COL9A1: variants seen among roughly 807,000 people sequenced by gnomAD.
COL9A1 encodes collagen type IX alpha 1 chain.
In COL9A1, 104 loss-of-function variants were observed where a neutral mutation model predicts 142.6. The ratio of observed to expected loss-of-function variants is 0.73; its 90% CI spans 0.62 to 0.86. The LOEUF is 0.86. Ranked by LOEUF, COL9A1 falls within the 40% of genes least tolerant of loss-of-function variation. The probability of loss-of-function intolerance (pLI) is 0.00; values close to 1 mark genes in which losing one functional copy is unlikely to be tolerated. For synonymous variants in COL9A1, 466 were observed against 396.0 expected (o/e 1.18, Z -2.10); for missense variants, 1,210 against 1,176.6 (o/e 1.03, Z -0.42).
At chr6:70,276,497 G>A (rs1011797305) in intron 10 of COL9A1, among the ~76,000 whole-genome samples, 1 of 152,156 alleles carries the variant, frequency 6.6e-6, no homozygotes, top group Non-Finnish European at 1.5e-5. Context: ...CCTGGAAGCT[G>A]TTTTTCGGTT....
At chr6:70,242,179 T>A (rs1184406640) in intron 29 of COL9A1, 144 bp from the exon 30 acceptor site, 5 of 732,454 alleles carry the variant, frequency 6.8e-6, no homozygotes, top group Non-Finnish European at 7.3e-6. Context: ...GGTTTGCCTC[T>A]CTTTCATATT....
At chr6:70,301,394 G>A (rs953994380) in intron 2 of COL9A1, among the ~76,000 whole-genome samples, 6 of 152,090 alleles carry the variant, frequency 3.9e-5, no homozygotes, top group African/African-American at 1.4e-4. Flanking sequence ...TGACCAACAT[G>A]GTGAAAGCCC....
chr6:70,249,652 G>A (rs549185957), intron 28 of COL9A1, among the ~76,000 whole-genome samples: 2 of 152,254 alleles, frequency 1.3e-5, no homozygotes, highest in South Asian at 2.1e-4. Context: ...TCAGGGACAG[G>A]AGCAATGGCA....
chr6:70,256,718 C>CAA (rs34557832), intron 21 of COL9A1, 50 bp downstream of exon 21: 3,486 of 1,334,794 alleles, frequency 2.6e-3, no homozygotes, highest in Non-Finnish European at 3.3e-3. Flanking sequence ...GCATACATAG[C>CAA]AAAAAAAAAA....
Position 70,241,418 on chromosome 6 carries a change from C to G in COL9A1, c.2034+1G>C. On this transcript the variant is annotated splice_donor_variant, in intron 31 of 37. Coordinates refer to ENST00000357250, the MANE Select transcript of COL9A1 (RefSeq NM_001851.6). LOFTEE classifies it high-confidence loss of function. ...TATACCAATTAAATAATAAGACTGA[C>G]CTGTTCACCCTTTGGACCCGGTTCA... The G allele has an allele frequency of 4.3e-6, 7 of 1,609,352 alleles. No homozygotes were observed. The highest frequency in any genetic ancestry group is 4.3e-6 in the Non-Finnish European group (5 of 1,175,606).
chr6:70,295,209 G>T (rs1773805492), intron 4 of COL9A1, among the ~76,000 whole-genome samples: 1 of 145,382 alleles, frequency 6.9e-6, no homozygotes, highest in Non-Finnish European at 1.5e-5. Flanking sequence ...TAAAGTAGCA[G>T]TTTGACACTG....
intron 28 of COL9A1, among the ~76,000 whole-genome samples, chr6:70,251,037 T>C (rs1398426647): frequency 6.6e-6 from 1 of 152,198 alleles, no homozygotes; most frequent in Non-Finnish European, 1.5e-5. Context: ...ATACGAATGT[T>C]CATAGCAGCA....
intron 33 of COL9A1, 80 bp downstream of exon 33, chr6:70,239,174 C>A: frequency 1.1e-6 from 1 of 945,234 alleles, no homozygotes; most frequent in South Asian, 1.4e-5. Flanking sequence ...ATAATGATTT[C>A]ATAAAGCAGA....
At chr6:70,279,843 A>G (rs1030052696) in intron 10 of COL9A1, 1 of 477,016 alleles carries the variant, frequency 2.1e-6, no homozygotes, top group Non-Finnish European at 3.9e-6. Context: ...CTTGGAAATC[A>G]TAATTATAGG....
chr6:70,239,148 AAGAATT>A, intron 33 of COL9A1, 100 bp downstream of exon 33: 1 of 849,502 alleles, frequency 1.2e-6, no homozygotes, highest in Non-Finnish European at 1.9e-6. Context: ...CAAAAAAAAA[AAGAATT>A]GAATGTTACA....
intron 33 of COL9A1, among the ~76,000 whole-genome samples, chr6:70,235,929 A>G (rs1769878662): frequency 1.3e-5 from 2 of 151,986 alleles, no homozygotes; most frequent in Non-Finnish European, 2.9e-5. Context: ...CCTGGCTAAC[A>G]CGGTGAAACC....
In COL9A1 at chr6:70,260,474, G is replaced by A. The variant is rs375211965; in HGVS notation, c.1449+183C>T. On this transcript the variant is annotated intron_variant, in intron 20 of 37. Transcript: ENST00000357250. Reference sequence around the variant, plus strand: ...GAGACAGGAGAATCGCTTGAACCCAGGAGGCAGAGGTTGCAGTGAGCCAAG... The same window carrying A: ...GAGACAGGAGAATCGCTTGAACCCAAGAGGCAGAGGTTGCAGTGAGCCAAG... 2.0e-5 allele frequency among the ~76,000 whole-genome samples: 3 copies of A among 151,610 alleles called. No individual in the cohort carries two copies. The East Asian group carries it at 5.8e-4, about 29-fold the overall frequency.
intron 18 of COL9A1, among the ~76,000 whole-genome samples, chr6:70,265,066 T>G (rs1771926533): frequency 6.6e-6 from 1 of 152,080 alleles, no homozygotes; most frequent in African/African-American, 2.4e-5. Flanking sequence ...CACTAAAATG[T>G]AAAATAAATC....
chr6:70,227,151 C>T (rs1027259576), intron 36 of COL9A1, among the ~76,000 whole-genome samples: 4 of 151,970 alleles, frequency 2.6e-5, no homozygotes, highest in African/African-American at 7.2e-5. Flanking sequence ...ACCTCACACC[C>T]TATTCCAGGA....
chr6:70,240,063 C>A (rs1250884475), intron 32 of COL9A1, among the ~76,000 whole-genome samples: 1 of 152,168 alleles, frequency 6.6e-6, no homozygotes, highest in Admixed American at 6.5e-5. Flanking sequence ...CCCAAAGGAC[C>A]AAAACATAAG....
chr6:70,264,714 T>C (rs1771905017), intron 18 of COL9A1, among the ~76,000 whole-genome samples: 1 of 152,088 alleles, frequency 6.6e-6, no homozygotes, highest in African/African-American at 2.4e-5. Context: ...AACTAATCCA[T>C]AATTATGAAG....
chr6:70,294,181 G>C lies in COL9A1; in HGVS notation c.682C>G (p.Gln228Glu). 1 of 1,613,992 alleles carries C rather than the reference G, an allele frequency of 6.2e-7. No homozygotes were observed. The highest frequency in any genetic ancestry group is 8.5e-7 in the Non-Finnish European group (1 of 1,179,906). The change falls in exon 5 of 38, where the codon CAA (glutamine) becomes GAA (glutamate). Residue 228 changes from glutamine to glutamate, a missense_variant. By Grantham distance (29) the Gln-to-Glu change is conservative. Coordinates refer to ENST00000357250, the MANE Select transcript of COL9A1 (RefSeq NM_001851.6). ...AVLGKLADNP[Q>E]VSVPFELQWM... ...TTTATACTTACTGGAACAGAAACTT[G>C]AGGATTATCTGCAAGTTTTCCCAGC...
At chr6:70,232,521 A>G in intron 36 of COL9A1, 62 bp downstream of exon 36, 4 of 1,549,022 alleles carry the variant, frequency 2.6e-6, no homozygotes, top group Non-Finnish European at 2.7e-6. Flanking sequence ...CTCGAGCTTG[A>G]TACAGATTAT....
intron 33 of COL9A1, among the ~76,000 whole-genome samples, chr6:70,235,890 G>A (rs1441412717): frequency 2.6e-5 from 4 of 152,000 alleles, no homozygotes; most frequent in South Asian, 2.1e-4. Context: ...CCAGGTGGGC[G>A]GATCACGAGG....
Sources: gnomAD v4.1 joint callset for allele counts (sites outside exome capture counted in the v4.1 genomes callset) on GRCh38, gnomAD v4.1.1 for gene constraint, MANE v1.5 for transcripts, NCBI Gene and HGNC (gene_info 2026-07-23, HGNC 2026-07-21) for gene names.